The following ANXA2 variants were observed in gnomAD, a reference collection of about 807,000 sequenced individuals.
ANXA2 encodes annexin II.
Under a neutral mutation model 47.3 loss-of-function variants are expected in ANXA2, and 28 were observed. The observed-to-expected ratio is 0.59, with a 90% CI of 0.44 to 0.81. ANXA2 has a LOEUF of 0.81. Ranked by LOEUF, ANXA2 falls within the 40% of genes least tolerant of loss-of-function variation. The pLI, the probability that ANXA2 is intolerant of heterozygous loss-of-function variation, is 0.00. For missense variants in ANXA2, 384 were observed against 414.3 expected (o/e 0.93, Z 0.64); for synonymous variants, 172 against 155.5 (o/e 1.11, Z -0.79).
rs765717031 is a variant in ANXA2, at chr15:60,352,332, C to T, written c.682+51G>A. On this transcript the variant is annotated intron_variant, in intron 9 of 12. Coordinates refer to ENST00000451270, the MANE Select transcript of ANXA2 (RefSeq NM_004039.3). The surrounding 1 kb of genome is among the most constrained non-coding windows in gnomAD (Gnocchi z 4.2). Reference sequence around the variant, plus strand: ...ATCCCAACATGGACATCCACCCAGCCGCCCCAGCCAGGGCCCCAAGGCACT... The same window carrying T: ...ATCCCAACATGGACATCCACCCAGCTGCCCCAGCCAGGGCCCCAAGGCACT... The T allele has an allele frequency of 1.6e-5, 22 of 1,353,532 alleles. No homozygotes were observed. The highest frequency in any genetic ancestry group is 1.1e-4 in the Admixed American group (6 of 54,222). The allele number at this position is 1,353,532 out of a possible 1,614,324, so 83.8% of individuals were successfully genotyped here. A position where few individuals can be genotyped will look rare whatever the true frequency, so the allele number is the denominator to read the frequency against.
intron 1 of ANXA2, among the ~76,000 whole-genome samples, chr15:60,389,407 G>C (rs889080492): frequency 2.6e-5 from 4 of 152,186 alleles, no homozygotes; most frequent in Non-Finnish European, 4.4e-5. Flanking sequence ...CTTTCAAGTT[G>C]TCTTTCCAGC....
At chr15:60,394,867 G>A (rs888299945) in intron 1 of ANXA2, among the ~76,000 whole-genome samples, 3 of 152,102 alleles carry the variant, frequency 2.0e-5, no homozygotes, top group African/African-American at 7.2e-5. Context: ...GGCAACAGCA[G>A]AAGAAAAAAG....
intron 3 of ANXA2, among the ~76,000 whole-genome samples, chr15:60,371,672 T>A (rs1035483286): frequency 6.6e-6 from 1 of 152,142 alleles, no homozygotes; most frequent in African/African-American, 2.4e-5. Flanking sequence ...ACTGTCCAGA[T>A]CCTCTCCTTA....
intron 3 of ANXA2, among the ~76,000 whole-genome samples, chr15:60,372,079 A>G (rs1296783347): frequency 6.6e-6 from 1 of 152,098 alleles, no homozygotes; most frequent in East Asian, 1.9e-4. Flanking sequence ...AACCTGGGAG[A>G]CAGAGGTTGA....
At position 60,352,327 on chromosome 15, in the gene ANXA2, C is replaced by T. The variant is rs1186393382; in HGVS notation, c.682+56G>A. On this transcript the variant is annotated intron_variant, in intron 9 of 12. Coordinates refer to ENST00000451270, the MANE Select transcript of ANXA2 (RefSeq NM_004039.3). The surrounding 1 kb of genome is among the most constrained non-coding windows in gnomAD (Gnocchi z 4.2). ...ACTCCATCCCAACATGGACATCCAC[C>T]CAGCCGCCCCAGCCAGGGCCCCAAG... 7 of 1,295,470 alleles carry T rather than the reference C, an allele frequency of 5.4e-6. No homozygotes were observed. The highest frequency in any genetic ancestry group is 7.7e-6 in the Non-Finnish European group (7 of 905,294). The allele number at this position is 1,295,470 out of a possible 1,614,324, so 80.2% of individuals were successfully genotyped here.
In ANXA2 at chr15:60,386,025, T is replaced by C. The variant is rs760216224; in HGVS notation, c.48+3A>G. 6.8e-6 allele frequency: 11 copies of C among 1,609,180 alleles called. No homozygotes were observed. The highest frequency in any genetic ancestry group is 9.3e-6 in the Non-Finnish European group (11 of 1,176,836). ...TTATATAAAGTGAAAGTGATATACTTACATCACCCTCCAAGCTGAGCTTGC... is the reference window on the plus strand; with the variant it reads ...TTATATAAAGTGAAAGTGATATACTCACATCACCCTCCAAGCTGAGCTTGC... On this transcript the variant is annotated splice_donor_region_variant and intron_variant, in intron 2 of 12. Coordinates refer to ENST00000451270, the MANE Select transcript of ANXA2 (RefSeq NM_004039.3).
At chr15:60,377,465 G>A (rs979777843) in intron 3 of ANXA2, among the ~76,000 whole-genome samples, 1 of 152,112 alleles carries the variant, frequency 6.6e-6, no homozygotes, top group African/African-American at 2.4e-5. Context: ...GGCATACCTC[G>A]GAGATACTAC....
chr15:60,386,297 G>A (rs1037554931), intron 1 of ANXA2: 1 of 532,244 alleles, frequency 1.9e-6, no homozygotes, highest in Middle Eastern at 3.9e-4. Flanking sequence ...TACTAAACTA[G>A]CCAGTCTTTC....
In ANXA2 at chr15:60,352,596, T is replaced by G; in HGVS notation, c.589-120A>C. On this transcript the variant is annotated intron_variant, in intron 8 of 12. Transcript: ENST00000451270. The surrounding 1 kb of genome is among the most constrained non-coding windows in gnomAD (Gnocchi z 4.2). ...AAAATGCCAAACGAGGAAAGATGAT[T>G]ATACTGCAGACATGGGCAGAGACCT... The G allele has an allele frequency of 2.8e-6, 2 of 716,846 alleles. 1 individual carries two copies. Among genetic ancestry groups the G allele is most frequent in the East Asian group, 5.4e-5 (2 of 37,216 alleles). The allele number at this position is 716,846 out of a possible 1,614,324, so 44.4% of individuals were successfully genotyped here.
Position 60,352,558 on chromosome 15 carries a change from A to C in ANXA2, c.589-82T>G. The stretch of plus-strand genomic sequence containing the variant: ...AAATGTCATGCAAAAAAAACAAAAA[A>C]AGCTACACATTCAAAATGCCAAACG... On this transcript the variant is annotated intron_variant, in intron 8 of 12. Transcript: ENST00000451270. This position sits in a 1 kb window ranked among gnomAD's most constrained non-coding sequence, Gnocchi z 4.2. 1.0e-6 allele frequency: 1 copy of C among 968,416 alleles called. No individual in the cohort carries two copies. The highest frequency in any genetic ancestry group is 1.6e-6 in the Non-Finnish European group (1 of 621,220). The allele number at this position is 968,416 out of a possible 1,614,324, so 60.0% of individuals were successfully genotyped here.
intron 8 of ANXA2, 62 bp downstream of exon 8, chr15:60,354,092 A>G: frequency 1.5e-6 from 2 of 1,351,710 alleles, no homozygotes. Flanking sequence ...TTAAATTACT[A>G]TATAGACTAT....
chr15:60,389,011 A>C (rs557842443), intron 1 of ANXA2, among the ~76,000 whole-genome samples: 25 of 152,150 alleles, frequency 1.6e-4, no homozygotes, highest in African/African-American at 5.5e-4. Context: ...GAAACATTCT[A>C]GAGGGTCTCA....
intron 3 of ANXA2, among the ~76,000 whole-genome samples, chr15:60,372,508 A>G (rs990787480): frequency 3.2e-4 from 48 of 152,100 alleles, no homozygotes; most frequent in Admixed American, 5.9e-4. Context: ...CACAGGCCCA[A>G]AGACTCCTGC....
chr15:60,353,258 C>G (rs991764927), intron 8 of ANXA2, among the ~76,000 whole-genome samples: 1 of 152,156 alleles, frequency 6.6e-6, no homozygotes, highest in African/African-American at 2.4e-5. Flanking sequence ...ATAAGCTTAA[C>G]AAATAGTTCT....
intron 1 of ANXA2, among the ~76,000 whole-genome samples, chr15:60,392,692 C>A (rs1217113493): frequency 1.3e-5 from 2 of 152,228 alleles, no homozygotes; most frequent in African/African-American, 4.8e-5. Context: ...TCTGCACAGG[C>A]AAATCTGAGT....
At chr15:60,378,724 G>A (rs1339878859) in intron 3 of ANXA2, among the ~76,000 whole-genome samples, 1 of 152,194 alleles carries the variant, frequency 6.6e-6, no homozygotes, top group African/African-American at 2.4e-5. Context: ...CCAGCACTTT[G>A]GGAGGCTGAG....
chr15:60,377,869 CAT>C, intron 3 of ANXA2, among the ~76,000 whole-genome samples: 1 of 152,200 alleles, frequency 6.6e-6, no homozygotes, highest in Middle Eastern at 3.4e-3. Flanking sequence ...AGGTGGATCA[CAT>C]GAGGTCAGGA....
Position 60,351,206 on chromosome 15 carries a change from T to A in ANXA2, c.824A>T (p.Tyr275Phe). ...NKPLYFADRLYDSMKGKGTRD... is the reference protein window; with the variant it reads ...NKPLYFADRLFDSMKGKGTRD... Reference sequence around the variant, plus strand: ...AGCTGCCCTTACCTTCATGGAGTCATACAGCCGATCAGCAAAATACAGGGG... The same window carrying A: ...AGCTGCCCTTACCTTCATGGAGTCAAACAGCCGATCAGCAAAATACAGGGG... The change falls in exon 11 of 13, where the codon TAT becomes TTT. Residue 275 changes from tyrosine (Y) to phenylalanine (F), a missense_variant. Coordinates refer to ENST00000451270, the MANE Select transcript of ANXA2 (RefSeq NM_004039.3). 6.2e-7 allele frequency: 1 copy of A among 1,614,204 alleles called. No homozygotes were observed. The highest frequency in any genetic ancestry group is 1.1e-5 in the South Asian group (1 of 91,088).
intron 1 of ANXA2, among the ~76,000 whole-genome samples, chr15:60,389,381 T>C (rs1184358485): frequency 2.0e-5 from 3 of 152,186 alleles, no homozygotes; most frequent in East Asian, 3.8e-4. Context: ...GCACGGTAAC[T>C]TTTCATTGTG....
Sources: allele counts gnomAD v4.1 joint callset (sites outside exome capture counted in the v4.1 genomes callset), GRCh38; gene constraint gnomAD v4.1.1; non-coding constraint Gnocchi (gnomAD v3.1); transcripts MANE v1.5; gene names NCBI Gene and HGNC (gene_info 2026-07-23, HGNC 2026-07-21).